Variants in EPC1 observed in about 807,000 individuals in gnomAD.
The protein encoded by EPC1 is enhancer of polycomb 1, also known as enhancer of polycomb homolog 1.
Under a neutral mutation model 98.4 loss-of-function variants are expected in EPC1, and 12 were observed. The observed-to-expected ratio is 0.12, with a 90% CI of 0.08 to 0.20. The LOEUF is 0.20. Ranked by LOEUF, EPC1 falls within the 10% of genes least tolerant of loss-of-function variation. EPC1 has a pLI of 1.00. For synonymous variants in EPC1, 357 were observed against 363.9 expected, an observed-to-expected ratio of 0.98 and a Z score of 0.21; for missense variants, 729 against 990.5, an observed-to-expected ratio of 0.74 and a Z score of 3.54.
At chr10:32,274,763 A>G (rs1476055250) in intron 10 of EPC1, among the ~76,000 whole-genome samples, 5 of 152,196 alleles carry the variant, frequency 3.3e-5, no homozygotes, top group Non-Finnish European at 1.5e-5. Context: ...AAATATTGAC[A>G]TAAAAATAAC....
intron 1 of EPC1, among the ~76,000 whole-genome samples, chr10:32,341,679 C>T (rs1405707754): frequency 2.0e-5 from 3 of 152,172 alleles, no homozygotes; most frequent in African/African-American, 7.2e-5. Context: ...ATTTCAGGTG[C>T]ATAGGCATGT....
chr10:32,307,172 G>A (rs1003589270), intron 1 of EPC1, among the ~76,000 whole-genome samples: 1 of 151,980 alleles, frequency 6.6e-6, no homozygotes, highest in Non-Finnish European at 1.5e-5. Flanking sequence ...TCCACTATAT[G>A]GACTTACCAA....
chr10:32,346,650 G>A lies in EPC1; in HGVS notation c.153+113C>T, dbSNP rs563486182. 1.0e-5 allele frequency: 11 copies of A among 1,061,798 alleles called. No individual in the cohort carries two copies. In the East Asian group the frequency reaches 2.2e-4, roughly 22 times the overall value. 65.8% of individuals were successfully genotyped at this position (1,061,798 alleles called of 1,614,324 possible). On this transcript the variant is annotated intron_variant, in intron 1 of 13. Transcript: ENST00000319778. ...TAGGCCCGGCCGGCGACTGAGAGTC[G>A]GCGGCGAAGAGAAGATGGCGGCCAT...
Position 32,269,036 on chromosome 10 carries a change from C to G in EPC1, c.*27G>C. 6.2e-7 allele frequency: 1 copy of G among 1,604,946 alleles called. No homozygotes were observed. Among genetic ancestry groups the G allele is most frequent in the African/African-American group, 1.3e-5 (1 of 74,798 alleles). ...TGATGCATAGCACCTAATCAAGTCC[C>G]CAGGCTGCAGTTCCACTCGGAGGAA... is the stretch of plus-strand genomic sequence containing the variant. On this transcript the variant is annotated 3_prime_UTR_variant, in exon 14 of 14. Transcript: ENST00000319778.
rs780316804 is a variant in EPC1, at chr10:32,293,573, T to C, written c.459+19A>G. 2.5e-6 allele frequency: 4 copies of C among 1,608,158 alleles called. No individual in the cohort carries two copies. In the South Asian group the frequency reaches 3.3e-5, roughly 13 times the overall value. On this transcript the variant is annotated intron_variant, in intron 3 of 13. Transcript: ENST00000319778. ...ACATAGAATATGTATATACTTGTTA[T>C]ATACAAATGAAGTTGTACCTGCTGA...
rs77431690 is a variant in EPC1 at position 32,368,507 on chromosome 10, A to G, written c.3+9984T>C. 8.5e-5 allele frequency among the ~76,000 whole-genome samples: 13 copies of G among 152,122 alleles called. No homozygotes were observed. The East Asian group carries it at 2.5e-3, about 29-fold the overall frequency. On this transcript the variant is annotated intron_variant, in intron 1 of 13. Transcript: ENST00000375110. Reference sequence around the variant, plus strand: ...ATCCTTCAAGGTTCCAGTCAAAACTACCTTTTCCTTTATGGCTCAGGGAAG... The same window carrying G: ...ATCCTTCAAGGTTCCAGTCAAAACTGCCTTTTCCTTTATGGCTCAGGGAAG...
intron 1 of EPC1, among the ~76,000 whole-genome samples, chr10:32,337,766 T>C (rs1196603836): frequency 1.3e-5 from 2 of 152,222 alleles, no homozygotes; most frequent in Non-Finnish European, 2.9e-5. Flanking sequence ...GAGTTGACTA[T>C]ACTTGCTATG....
At chr10:32,340,231 C>A (rs1838251646) in intron 1 of EPC1, among the ~76,000 whole-genome samples, 1 of 152,158 alleles carries the variant, frequency 6.6e-6, no homozygotes, top group Non-Finnish European at 1.5e-5. Context: ...TGAGGGAGGG[C>A]TTTATCTTTT....
In EPC1 at chr10:32,370,966, C is replaced by T. The variant is rs541917073; in HGVS notation, c.3+7525G>A. On this transcript the variant is annotated intron_variant, in intron 1 of 13. Coordinates refer to the EPC1 transcript ENST00000375110. ...TCATTGCTTATGCCTCTTCAGGATACTTCATACCAGCTTCTTGAGAAGACC... is the reference window on the plus strand; with the variant it reads ...TCATTGCTTATGCCTCTTCAGGATATTTCATACCAGCTTCTTGAGAAGACC... 4.6e-5 allele frequency among the ~76,000 whole-genome samples: 7 copies of T among 152,316 alleles called. No homozygotes were observed. In the South Asian group the frequency reaches 1.4e-3, roughly 32 times the overall value.
At chr10:32,362,760 C>A (rs894306328) in intron 1 of EPC1, among the ~76,000 whole-genome samples, 29 of 152,320 alleles carry the variant, frequency 1.9e-4, no homozygotes, top group African/African-American at 6.7e-4. Context: ...GTAGATAAGG[C>A]ACCAAACTAA....
intron 1 of EPC1, among the ~76,000 whole-genome samples, chr10:32,362,037 TA>T (rs1289441744): frequency 6.6e-6 from 1 of 152,170 alleles, no homozygotes; most frequent in African/African-American, 2.4e-5. Flanking sequence ...TGCTCTAAAA[TA>T]AGGAGATTTT....
At chr10:32,293,529 C>T (rs988071830) in intron 3 of EPC1, 63 bp downstream of exon 3, 4 of 1,471,878 alleles carry the variant, frequency 2.7e-6, no homozygotes, top group Non-Finnish European at 3.7e-6. Context: ...CACACTCTTT[C>T]CATACAATAC....
At chr10:32,292,447 A>T in intron 5 of EPC1, 49 bp downstream of exon 5, 1 of 1,341,000 alleles carries the variant, frequency 7.5e-7, no homozygotes, top group Non-Finnish European at 1.0e-6. Flanking sequence ...CAATATACAA[A>T]ATGTTAATGG....
chr10:32,367,395 A>T (rs112157150), intron 1 of EPC1, among the ~76,000 whole-genome samples: 1 of 152,216 alleles, frequency 6.6e-6, no homozygotes, highest in Non-Finnish European at 1.5e-5. Context: ...CTAGTAAGAG[A>T]TGAATTTCAC....
intron 13 of EPC1, among the ~76,000 whole-genome samples, chr10:32,271,153 G>A (rs537174505): frequency 1.3e-5 from 2 of 152,166 alleles, no homozygotes; most frequent in South Asian, 2.1e-4. Flanking sequence ...CACCATGCCC[G>A]GGTGATTTTG....
chr10:32,288,123 T>C (rs1211621395), intron 6 of EPC1, among the ~76,000 whole-genome samples: 1 of 152,146 alleles, frequency 6.6e-6, no homozygotes, highest in African/African-American at 2.4e-5. Flanking sequence ...GTTTATGACA[T>C]TATGGTTTTT....
intron 13 of EPC1, 131 bp from the exon 14 acceptor site, chr10:32,269,266 G>A (rs1835720965): frequency 3.0e-6 from 2 of 661,726 alleles, no homozygotes. Context: ...AAGCTAGCAA[G>A]TAGAGGAATA....
intron 11 of EPC1, 116 bp downstream of exon 11, chr10:32,273,047 G>A: frequency 6.2e-7 from 1 of 1,614,092 alleles, no homozygotes; most frequent in Non-Finnish European, 8.5e-7. Context: ...GTATATTCAG[G>A]CGAAAGCCAC....
At chr10:32,300,724 G>GCGTCC (rs534812971) in intron 2 of EPC1, among the ~76,000 whole-genome samples, 140 of 152,126 alleles carry the variant, frequency 9.2e-4, no homozygotes, top group African/African-American at 3.3e-3. Context: ...GTGAGCCACC[G>GCGTCC]CGTCCCGCCG....
Sources: gnomAD v4.1 joint callset for allele counts (sites outside exome capture counted in the v4.1 genomes callset) on GRCh38, gnomAD v4.1.1 for gene constraint, MANE v1.5 for transcripts, NCBI Gene and HGNC (gene_info 2026-07-23, HGNC 2026-07-21) for gene names.